Variants in FAM200C observed in about 807,000 individuals in gnomAD.
the FAM200C span, chr5:160,393,825 T>G: frequency 6.8e-6 from 11 of 1,612,130 alleles, no homozygotes; most frequent in Non-Finnish European, 9.3e-6. Flanking sequence ...CTGGACTTTG[T>G]TTTGAAATGT....
chr5:160,394,147 T>C, the FAM200C span: 4 of 1,613,298 alleles, frequency 2.5e-6, no homozygotes, highest in Non-Finnish European at 2.5e-6. Flanking sequence ...GCAGATGCAG[T>C]GTTATTTCAG....
chr5:160,393,758 CGAG>C, the FAM200C span: 2 of 1,556,692 alleles, frequency 1.3e-6, no homozygotes, highest in Non-Finnish European at 1.7e-6. Flanking sequence ...GTCCGAGAAA[CGAG>C]GAACTTTTTT....
the FAM200C span, chr5:160,393,412 C>G: frequency 3.4e-6 from 1 of 293,972 alleles, no homozygotes; most frequent in East Asian, 7.6e-5. Flanking sequence ...GCCTATTGCA[C>G]CATTTAGCTG....
At chr5:160,395,647 T>C in the FAM200C span, 1 of 660,566 alleles carries the variant, frequency 1.5e-6, no homozygotes. Context: ...GCCTGCAGCA[T>C]GTCAATTCGA....
chr5:160,394,939 G>A, the FAM200C span: 1 of 1,613,386 alleles, frequency 6.2e-7, no homozygotes, highest in Non-Finnish European at 8.5e-7. Context: ...GCTGACTGCA[G>A]TCATCCATGT....
chr5:160,399,780 GAAA>G, the FAM200C span: 192 of 147,464 alleles, frequency 1.3e-3, no homozygotes, highest in Admixed American at 2.7e-3. Context: ...CAGCTGCTAG[GAAA>G]AAAAAAAAAA....
chr5:160,396,698 GAAAAAAAAAA>G, the FAM200C span, among the ~76,000 whole-genome samples: 1 of 48,370 alleles, frequency 2.1e-5, no homozygotes, highest in Admixed American at 2.0e-4. Context: ...AGTCTCTGTG[GAAAAAAAAAA>G]AAAAAAAAAA....
At chr5:160,396,371 T>G in the FAM200C span, among the ~76,000 whole-genome samples, 1 of 152,204 alleles carries the variant, frequency 6.6e-6, no homozygotes, top group Admixed American at 6.5e-5. Context: ...CCACCCCTGA[T>G]GCAAAGGTAG....
At chr5:160,397,965 T>G in the FAM200C span, among the ~76,000 whole-genome samples, 1 of 152,140 alleles carries the variant, frequency 6.6e-6, no homozygotes, top group South Asian at 2.1e-4. Flanking sequence ...AGAGGGGCCC[T>G]GCACGGTGGC....
the FAM200C span, among the ~76,000 whole-genome samples, chr5:160,398,500 C>T: frequency 2.5e-4 from 38 of 152,276 alleles, 2 homozygotes; most frequent in South Asian, 7.3e-3. Context: ...GATGCCACTG[C>T]GCTCTCCAGA....
the FAM200C span, among the ~76,000 whole-genome samples, chr5:160,395,856 C>T: frequency 1.6e-4 from 25 of 152,188 alleles, no homozygotes; most frequent in Non-Finnish European, 2.9e-5. Flanking sequence ...AAATCTAGCA[C>T]ATTTTGTATC....
the FAM200C span, chr5:160,394,296 C>G: frequency 6.2e-7 from 1 of 1,613,632 alleles, no homozygotes; most frequent in Non-Finnish European, 8.5e-7. Context: ...CTAGCTGATA[C>G]TGTGTTCATC....
At chr5:160,393,535 T>C in the FAM200C span, 4 of 615,296 alleles carry the variant, frequency 6.5e-6, no homozygotes, top group Non-Finnish European at 1.1e-5. Context: ...TAATCTTTTC[T>C]GCTGTGTTTT....
the FAM200C span, among the ~76,000 whole-genome samples, chr5:160,395,865 T>A: frequency 6.6e-6 from 1 of 152,166 alleles, no homozygotes; most frequent in East Asian, 1.9e-4. Flanking sequence ...ACATTTTGTA[T>A]CCCTAGAAAG....
chr5:160,395,231 T>C, the FAM200C span: 2 of 1,614,020 alleles, frequency 1.2e-6, no homozygotes, highest in Middle Eastern at 1.6e-4. Flanking sequence ...AGTATCCTCA[T>C]GAGATGCAAC....
chr5:160,393,588 G>A, the FAM200C span: 1 of 788,224 alleles, frequency 1.3e-6, no homozygotes, highest in Non-Finnish European at 2.0e-6. Flanking sequence ...CAAAATTAAA[G>A]TTCTTAAGTT....
chr5:160,395,236 T>C, the FAM200C span: 2 of 1,614,022 alleles, frequency 1.2e-6, no homozygotes, highest in Non-Finnish European at 1.7e-6. Context: ...CCTCATGAGA[T>C]GCAACTCCAA....
chr5:160,399,020 A>C, the FAM200C span, among the ~76,000 whole-genome samples: 1 of 152,196 alleles, frequency 6.6e-6, no homozygotes, highest in Non-Finnish European at 1.5e-5. Context: ...GGGTGGAGAT[A>C]AAAGAAATGA....
the FAM200C span, chr5:160,395,037 C>A: frequency 4.3e-6 from 7 of 1,613,878 alleles, no homozygotes; most frequent in South Asian, 4.4e-5. Flanking sequence ...TGGCTCATTT[C>A]ATCAATTCTA....
Sources: allele counts gnomAD v4.1 joint callset (sites outside exome capture counted in the v4.1 genomes callset), GRCh38; gene constraint gnomAD v4.1.1; transcripts MANE v1.5.